Variants in RNLS observed in about 807,000 individuals in gnomAD.
RNLS encodes the protein renalase.
In RNLS, 39 loss-of-function variants were observed where a neutral mutation model predicts 39.8. That is an observed-to-expected ratio of 0.98 (90% CI 0.76 to 1.28). The LOEUF (loss-of-function observed/expected upper bound fraction) is 1.28. Among genes scored for constraint, RNLS ranks in the 50% most tolerant of loss-of-function variants. The pLI, the probability that RNLS is intolerant of heterozygous loss-of-function variation, is 0.00. For synonymous variants in RNLS, 147 were observed against 150.7 expected (o/e 0.98, Z 0.18); for missense variants, 410 against 413.3 (o/e 0.99, Z 0.07).
At chr10:88,252,936 G>C in the RNLS span, among the ~76,000 whole-genome samples, 2 of 152,176 alleles carry the variant, frequency 1.3e-5, no homozygotes, top group Non-Finnish European at 2.9e-5. Context: ...GTGATATTAA[G>C]GTTTTCAATT....
At position 88,274,695 on chromosome 10, in the gene RNLS, T is replaced by C. The variant is rs115978207; in HGVS notation, c.*266A>G. 1.7e-5 allele frequency: 6 copies of C among 360,954 alleles called. No individual in the cohort carries two copies. In the East Asian group the frequency reaches 3.2e-4, roughly 19 times the overall value. The allele number at this position is 360,954 out of a possible 1,614,324, so 22.4% of individuals were successfully genotyped here. A position where few individuals can be genotyped will look rare whatever the true frequency, so the allele number is the denominator to read the frequency against. ...TTCAAGTCCCTACTTTCACTTCTTT[T>C]GGATAGATATCCAGATGTGGAACTG... On this transcript the variant is annotated 3_prime_UTR_variant, in exon 7 of 7. Transcript: ENST00000371947.
intron 6 of RNLS, among the ~76,000 whole-genome samples, chr10:88,296,457 G>C (rs1457020938): frequency 6.6e-6 from 1 of 151,952 alleles, no homozygotes; most frequent in Non-Finnish European, 1.5e-5. Context: ...ATTTCTTTCT[G>C]GTTCTCATTC....
chr10:88,502,459 C>T (rs1043294272), intron 4 of RNLS, among the ~76,000 whole-genome samples: 3 of 152,252 alleles, frequency 2.0e-5, no homozygotes, highest in African/African-American at 7.2e-5. Flanking sequence ...CATCCTCAGT[C>T]TCTACATGAT....
At chr10:88,290,701 G>T (rs1215427600) in intron 6 of RNLS, among the ~76,000 whole-genome samples, 1 of 152,206 alleles carries the variant, frequency 6.6e-6, no homozygotes, top group East Asian at 1.9e-4. Context: ...CGCATTTAGA[G>T]ATGGACTTCT....
chr10:88,472,549 G>A (rs1017265204), intron 4 of RNLS, among the ~76,000 whole-genome samples: 2 of 152,140 alleles, frequency 1.3e-5, no homozygotes, highest in African/African-American at 4.8e-5. Context: ...GAAAAGGTAA[G>A]AATTTCCTAG....
At chr10:88,516,348 C>A (rs145776806) in intron 4 of RNLS, among the ~76,000 whole-genome samples, 59 of 152,086 alleles carry the variant, frequency 3.9e-4, no homozygotes, top group African/African-American at 1.3e-3. Flanking sequence ...CTTTATTTTC[C>A]ATTCAGGACA....
chr10:88,564,770 A>G (rs56123244), intron 4 of RNLS, among the ~76,000 whole-genome samples: 2,014 of 152,320 alleles, frequency 0.013, 49 homozygotes, highest in African/African-American at 0.045. Flanking sequence ...GAGGGTCACA[A>G]TATGATACAT....
chr10:88,395,868 G>C (rs776287252), intron 4 of RNLS, among the ~76,000 whole-genome samples: 6 of 151,942 alleles, frequency 3.9e-5, no homozygotes, highest in Admixed American at 3.9e-4. Flanking sequence ...TATGTTCCAG[G>C]GATTCTCAAT....
chr10:88,343,577 C>A, intron 5 of RNLS: 1 of 985,234 alleles, frequency 1.0e-6, no homozygotes, highest in South Asian at 4.7e-5. Flanking sequence ...CTGAATTCTA[C>A]TTTCTGTCCA....
intron 4 of RNLS, among the ~76,000 whole-genome samples, chr10:88,548,537 G>A (rs1395053167): frequency 6.7e-6 from 1 of 148,526 alleles, no homozygotes; most frequent in Non-Finnish European, 1.5e-5. Context: ...CACTAGGGAG[G>A]CTGAGACACA....
At chr10:88,220,351 A>G in the RNLS span, among the ~76,000 whole-genome samples, 5 of 152,202 alleles carry the variant, frequency 3.3e-5, no homozygotes, top group African/African-American at 1.2e-4. Flanking sequence ...GGTGCCATTA[A>G]GCCAAGGGAC....
chr10:88,375,990 T>C (rs1048310482), intron 4 of RNLS, among the ~76,000 whole-genome samples: 6 of 152,090 alleles, frequency 3.9e-5, no homozygotes, highest in African/African-American at 1.4e-4. Flanking sequence ...ATGGTTGTCT[T>C]ACGCAGACAT....
At chr10:88,448,067 C>A (rs1478100700) in intron 4 of RNLS, among the ~76,000 whole-genome samples, 2 of 152,106 alleles carry the variant, frequency 1.3e-5, no homozygotes, top group East Asian at 3.8e-4. Context: ...AGAAGAAAGC[C>A]TAGGCAATAC....
chr10:88,292,699 G>A (rs1346059347), intron 6 of RNLS, among the ~76,000 whole-genome samples: 1 of 151,908 alleles, frequency 6.6e-6, no homozygotes, highest in Non-Finnish European at 1.5e-5. Context: ...GACAGCAGAT[G>A]GAGATGTCTA....
chr10:88,450,504 A>G (rs185259626), intron 4 of RNLS, among the ~76,000 whole-genome samples: 16 of 152,316 alleles, frequency 1.1e-4, no homozygotes, highest in African/African-American at 3.8e-4. Flanking sequence ...TGGAAGGTCC[A>G]TAAGTACTGA....
intron 4 of RNLS, among the ~76,000 whole-genome samples, chr10:88,459,591 G>A (rs749938977): frequency 1.4e-4 from 21 of 152,222 alleles, no homozygotes; most frequent in African/African-American, 4.1e-4. Context: ...CCAGGACACC[G>A]TTAAGAAATT....
chr10:88,510,883 G>A (rs1253121956), intron 4 of RNLS, among the ~76,000 whole-genome samples: 1 of 150,314 alleles, frequency 6.7e-6, no homozygotes, highest in Non-Finnish European at 1.5e-5. Context: ...AAACCTTTAT[G>A]TTCTTTATTT....
downstream of RNLS, among the ~76,000 whole-genome samples, chr10:88,280,026 G>C (rs1177986797): frequency 6.6e-6 from 1 of 152,068 alleles, no homozygotes; most frequent in Admixed American, 6.6e-5. Context: ...CAATTCTCCT[G>C]TGTCCTATGT....
At chr10:88,309,843 G>C (rs147603671) in intron 6 of RNLS, among the ~76,000 whole-genome samples, 54 of 152,310 alleles carry the variant, frequency 3.5e-4, no homozygotes, top group African/African-American at 1.2e-3. Context: ...CTTTCCAAAA[G>C]AGTTGTTGTG....
Sources: allele counts gnomAD v4.1 joint callset (sites outside exome capture counted in the v4.1 genomes callset), GRCh38; gene constraint gnomAD v4.1.1; transcripts MANE v1.5; gene names NCBI Gene and HGNC (gene_info 2026-07-23, HGNC 2026-07-21).